Variants in CRY1 observed in about 807,000 individuals in gnomAD.
CRY1 encodes cryptochrome circadian regulator 1.
Under a neutral mutation model 76.0 loss-of-function variants are expected in CRY1, and 45 were observed. The observed-to-expected ratio is 0.59, with a 90% confidence interval of 0.47 to 0.76. The LOEUF is 0.76. Among genes scored for constraint, CRY1 ranks in the 30% least tolerant of loss-of-function variants. The pLI is 0.00. For missense variants in CRY1, 587 were observed against 716.4 expected, an observed-to-expected ratio of 0.82 and a Z score of 2.06; for synonymous variants, 248 against 244.0, an observed-to-expected ratio of 1.02 and a Z score of -0.15.
chr12:107,071,697 A>G (rs548160881), intron 1 of CRY1, among the ~76,000 whole-genome samples: 11 of 152,354 alleles, frequency 7.2e-5, no homozygotes, highest in Middle Eastern at 3.4e-3. Context: ...CGAAGAAAGA[A>G]AAAGAAGAAA....
intron 1 of CRY1, among the ~76,000 whole-genome samples, chr12:107,040,800 C>T (rs1952790110): frequency 6.6e-6 from 1 of 151,744 alleles, no homozygotes; most frequent in South Asian, 2.1e-4. Context: ...CAAAAAAGGT[C>T]AATTACTAAT....
chr12:107,062,383 T>C (rs1953058769), intron 1 of CRY1, among the ~76,000 whole-genome samples: 1 of 152,208 alleles, frequency 6.6e-6, no homozygotes, highest in Non-Finnish European at 1.5e-5. Context: ...AAGCAAAATG[T>C]TGACTACCAA....
At position 107,020,699 on chromosome 12, in the gene CRY1, G is replaced by A. The variant is rs565343073; in HGVS notation, c.267+1385C>T. ...CACTATGCTTCCTGTACAGCCTGCA[G>A]AACTGTGAGCCAATTAAATCTCTTT... On this transcript the variant is annotated intron_variant, in intron 2 of 12. Transcript: ENST00000008527. Among the ~76,000 whole-genome samples, 10 of 152,192 alleles carry A rather than the reference G, an allele frequency of 6.6e-5. No individual in the cohort carries two copies. The East Asian group carries it at 1.9e-3, about 29-fold the overall frequency.
At chr12:107,069,638 A>C in intron 1 of CRY1, among the ~76,000 whole-genome samples, 1 of 138,320 alleles carries the variant, frequency 7.2e-6, no homozygotes, top group African/African-American at 2.6e-5. Flanking sequence ...TAAAGTATAT[A>C]TATAAAAAGT....
chr12:107,006,638 C>CGTTTTTTTT lies in CRY1; in HGVS notation c.268-1391_268-1390insAAAAAAAAC, dbSNP rs71076707. 6.6e-5 allele frequency among the ~76,000 whole-genome samples: 9 copies of CGTTTTTTTT among 137,112 alleles called. 1 individual carries two copies. The highest frequency in any genetic ancestry group is 9.2e-5 in the Non-Finnish European group (6 of 65,226). The allele number at this position is 137,112 out of a possible 152,430, so 90.0% of individuals were successfully genotyped here. On this transcript the variant is annotated intron_variant, in intron 2 of 12. Transcript: ENST00000008527. ...CTTGCCAATAATATGTATTAGTAAT[C>CGTTTTTTTT]TTTTTTTTTTTTTTTTTTAGATGAC...
chr12:107,056,293 C>G (rs1313970593), intron 1 of CRY1, among the ~76,000 whole-genome samples: 1 of 152,128 alleles, frequency 6.6e-6, no homozygotes, highest in Admixed American at 6.6e-5. Context: ...TGGCACTCAG[C>G]AGAAAAAGAT....
intron 1 of CRY1, among the ~76,000 whole-genome samples, chr12:107,059,395 G>C: frequency 6.6e-6 from 1 of 151,954 alleles, no homozygotes; most frequent in Non-Finnish European, 1.5e-5. Flanking sequence ...AAACTAGTGG[G>C]CACCACCATA....
intron 1 of CRY1, among the ~76,000 whole-genome samples, chr12:107,026,769 GTT>G (rs66881305): frequency 0.044 from 5,914 of 134,122 alleles, 149 homozygotes; most frequent in East Asian, 0.065. Context: ...AATAATTCCT[GTT>G]TTTTTTTTTT....
chr12:107,012,499 T>G (rs1295834868), intron 2 of CRY1, among the ~76,000 whole-genome samples: 1 of 152,226 alleles, frequency 6.6e-6, no homozygotes, highest in Non-Finnish European at 1.5e-5. Context: ...CAGACAAACG[T>G]ACTTTGTCAT....
chr12:107,067,262 A>T (rs1454589399), intron 1 of CRY1, among the ~76,000 whole-genome samples: 1 of 152,208 alleles, frequency 6.6e-6, no homozygotes, highest in Non-Finnish European at 1.5e-5. Flanking sequence ...CAAAGCTGAA[A>T]ATATTAACTG....
At chr12:107,071,945 T>C (rs1041999083) in intron 1 of CRY1, among the ~76,000 whole-genome samples, 1 of 152,148 alleles carries the variant, frequency 6.6e-6, no homozygotes, top group Non-Finnish European at 1.5e-5. Context: ...AAAGATGATC[T>C]AAGTCAGGAA....
chr12:107,030,675 A>G (rs1952664472), intron 1 of CRY1, among the ~76,000 whole-genome samples: 1 of 151,892 alleles, frequency 6.6e-6, no homozygotes, highest in African/African-American at 2.4e-5. Context: ...TACAGTAATG[A>G]TATCTACCAC....
intron 1 of CRY1, among the ~76,000 whole-genome samples, chr12:107,060,435 C>A (rs1463368105): frequency 6.6e-6 from 1 of 152,192 alleles, no homozygotes; most frequent in African/African-American, 2.4e-5. Flanking sequence ...CAAATGCCAG[C>A]CCCTTCATCT....
chr12:107,007,368 A>G (rs1952386823), intron 2 of CRY1, among the ~76,000 whole-genome samples: 1 of 152,186 alleles, frequency 6.6e-6, no homozygotes, highest in South Asian at 2.1e-4. Context: ...GAGAGTGCCT[A>G]GCACGTAATA....
At chr12:107,020,009 G>A (rs554985075) in intron 2 of CRY1, among the ~76,000 whole-genome samples, 6 of 151,952 alleles carry the variant, frequency 3.9e-5, no homozygotes, top group Admixed American at 2.6e-4. Context: ...AACAATTATC[G>A]ACACACACTC....
intron 2 of CRY1, among the ~76,000 whole-genome samples, chr12:107,013,800 A>T (rs904205275): frequency 1.3e-5 from 2 of 152,234 alleles, no homozygotes; most frequent in African/African-American, 2.4e-5. Flanking sequence ...AACTCCGTTT[A>T]AAATAAGCTA....
intron 1 of CRY1, among the ~76,000 whole-genome samples, chr12:107,065,039 T>C (rs1363697046): frequency 1.3e-5 from 2 of 152,134 alleles, no homozygotes; most frequent in East Asian, 3.9e-4. Flanking sequence ...GCTCACACCA[T>C]TTTCCCAGCA....
chr12:107,073,130 T>G (rs931520536), intron 1 of CRY1: 5 of 151,922 alleles, frequency 3.3e-5, no homozygotes, highest in African/African-American at 1.2e-4. Flanking sequence ...ATTTATATCA[T>G]CTTTGGGTGG....
chr12:106,997,237 A>G (rs772635211), intron 10 of CRY1, 57 bp downstream of exon 10: 71 of 1,390,814 alleles, frequency 5.1e-5, no homozygotes, highest in Non-Finnish European at 7.0e-5. Context: ...AATAACAAAT[A>G]TATTTGTTTA....
Sources: gnomAD v4.1 joint callset for allele counts (sites outside exome capture counted in the v4.1 genomes callset) on GRCh38, gnomAD v4.1.1 for gene constraint, MANE v1.5 for transcripts, NCBI Gene and HGNC (gene_info 2026-07-23, HGNC 2026-07-21) for gene names.